The following GNA14 variants were observed in gnomAD, a reference collection of about 807,000 sequenced individuals.
The protein encoded by GNA14 is guanine nucleotide-binding protein subunit alpha-14.
In GNA14, 50 loss-of-function variants were observed where a neutral mutation model predicts 42.0. The ratio of observed to expected loss-of-function variants is 1.19; its 90% CI spans 0.95 to 1.51. The LOEUF is 1.51. Among genes scored for constraint, GNA14 ranks in the 40% most tolerant of loss-of-function variants. The pLI is 0.00. For synonymous variants in GNA14, 173 were observed against 163.1 expected (o/e 1.06, Z -0.46); for missense variants, 473 against 446.2 (o/e 1.06, Z -0.54).
chr9:77,641,575 A>G (rs1443508025), intron 1 of GNA14, among the ~76,000 whole-genome samples: 1 of 128,178 alleles, frequency 7.8e-6, no homozygotes, highest in Admixed American at 7.7e-5. Flanking sequence ...ACCGTCTGTT[A>G]AAAAAAAAGG....
chr9:77,482,632 T>C (rs1356872477), intron 2 of GNA14, among the ~76,000 whole-genome samples: 6 of 152,220 alleles, frequency 3.9e-5, no homozygotes, highest in African/African-American at 1.2e-4. Context: ...TTCTCCTGGA[T>C]AATATCCTGC....
At chr9:77,511,756 C>A (rs1371451428) in intron 2 of GNA14, among the ~76,000 whole-genome samples, 2 of 152,144 alleles carry the variant, frequency 1.3e-5, no homozygotes, top group Admixed American at 1.3e-4. Context: ...AACAAAATGG[C>A]CTATTCCTGC....
chr9:77,581,283 T>G (rs1823220110), intron 1 of GNA14, among the ~76,000 whole-genome samples: 1 of 152,196 alleles, frequency 6.6e-6, no homozygotes, highest in Non-Finnish European at 1.5e-5. Context: ...GAATTATGTT[T>G]GGAATCAGTT....
intron 1 of GNA14, among the ~76,000 whole-genome samples, chr9:77,623,462 T>C (rs1361941474): frequency 6.6e-6 from 1 of 152,124 alleles, no homozygotes; most frequent in Non-Finnish European, 1.5e-5. Flanking sequence ...ATATTAATAA[T>C]ACTCTCACAG....
chr9:77,570,224 G>A (rs1823040319), intron 1 of GNA14, among the ~76,000 whole-genome samples: 1 of 151,964 alleles, frequency 6.6e-6, no homozygotes, highest in South Asian at 2.1e-4. Context: ...CAGCTTTATT[G>A]AAATATAATC....
intron 2 of GNA14, among the ~76,000 whole-genome samples, chr9:77,463,180 G>A (rs1836146024): frequency 6.6e-6 from 1 of 152,182 alleles, no homozygotes; most frequent in Admixed American, 6.5e-5. Context: ...ACAGTGGAAT[G>A]TGGGACTGTA....
At chr9:77,478,989 C>G (rs1346651784) in intron 2 of GNA14, among the ~76,000 whole-genome samples, 2 of 152,122 alleles carry the variant, frequency 1.3e-5, no homozygotes, top group Non-Finnish European at 2.9e-5. Context: ...CCTGTTCACT[C>G]TGATGGTAGT....
At chr9:77,482,959 A>AT (rs1202866003) in intron 2 of GNA14, among the ~76,000 whole-genome samples, 1 of 151,762 alleles carries the variant, frequency 6.6e-6, no homozygotes, top group South Asian at 2.1e-4. Flanking sequence ...CATTCGTCTA[A>AT]TTTTTTTTCA....
At chr9:77,481,336 A>T (rs190300311) in intron 2 of GNA14, among the ~76,000 whole-genome samples, 1 of 152,314 alleles carries the variant, frequency 6.6e-6, no homozygotes, top group Admixed American at 6.5e-5. Flanking sequence ...CAGGTTGTTC[A>T]GTTTCCTTGT....
chr9:77,623,617 G>T (rs1823969022), intron 1 of GNA14, among the ~76,000 whole-genome samples: 1 of 152,154 alleles, frequency 6.6e-6, no homozygotes, highest in Admixed American at 6.5e-5. Flanking sequence ...AACGCACGGA[G>T]AGTGAGCCAA....
At chr9:77,447,629 GGGGA>G (rs879885535) in intron 2 of GNA14, among the ~76,000 whole-genome samples, 18,301 of 152,212 alleles carry the variant, frequency 0.12, 1,529 homozygotes, top group East Asian at 0.36. Context: ...TAGTAGGGGT[GGGGA>G]GGACTCTCCT....
intron 1 of GNA14, among the ~76,000 whole-genome samples, chr9:77,608,903 G>A (rs1049604767): frequency 3.3e-5 from 5 of 151,768 alleles, no homozygotes; most frequent in Admixed American, 6.6e-5. Context: ...CCCCATTCCC[G>A]GCTTCTGTTG....
intron 1 of GNA14, among the ~76,000 whole-genome samples, chr9:77,599,212 G>C (rs1346316174): frequency 6.6e-6 from 1 of 152,192 alleles, no homozygotes; most frequent in African/African-American, 2.4e-5. Flanking sequence ...CAGTACTCTA[G>C]ACGATGATGA....
intron 1 of GNA14, among the ~76,000 whole-genome samples, chr9:77,635,716 T>C (rs1271438629): frequency 1.3e-5 from 2 of 152,200 alleles, no homozygotes; most frequent in African/African-American, 4.8e-5. Flanking sequence ...TTCAAATCAA[T>C]GGCATATCTC....
chr9:77,503,633 A>C (rs959312063), intron 2 of GNA14, among the ~76,000 whole-genome samples: 2 of 150,682 alleles, frequency 1.3e-5, no homozygotes, highest in African/African-American at 4.9e-5. Context: ...TACACAAAGA[A>C]ATTTACATCA....
chr9:77,491,939 T>C (rs1836783463), intron 2 of GNA14, among the ~76,000 whole-genome samples: 1 of 151,800 alleles, frequency 6.6e-6, no homozygotes. Flanking sequence ...AACAAAAGAG[T>C]AAAAATCATA....
intron 1 of GNA14, among the ~76,000 whole-genome samples, chr9:77,571,110 G>A (rs1823051977): frequency 6.6e-6 from 1 of 151,176 alleles, no homozygotes; most frequent in Admixed American, 6.6e-5. Flanking sequence ...GGTGCTAGTA[G>A]TAGCATTTAA....
At chr9:77,494,133 T>C (rs1232297403) in intron 2 of GNA14, among the ~76,000 whole-genome samples, 2 of 152,070 alleles carry the variant, frequency 1.3e-5, no homozygotes, top group African/African-American at 4.8e-5. Flanking sequence ...ACGTTGCCCA[T>C]GCTGGTCTCG....
At chr9:77,526,864 G>T (rs1418345441) in intron 2 of GNA14, among the ~76,000 whole-genome samples, 1 of 152,202 alleles carries the variant, frequency 6.6e-6, no homozygotes, top group Non-Finnish European at 1.5e-5. Flanking sequence ...AAGAGAAAAG[G>T]AGACAGTGGT....
Sources: allele counts gnomAD v4.1 joint callset (sites outside exome capture counted in the v4.1 genomes callset), GRCh38; gene constraint gnomAD v4.1.1; transcripts MANE v1.5; gene names NCBI Gene and HGNC (gene_info 2026-07-23, HGNC 2026-07-21).